Variants in CAPN14 observed in about 807,000 individuals in gnomAD.
CAPN14 encodes the protein calpain-14.
In CAPN14, 94 loss-of-function variants were observed where a neutral mutation model predicts 101.3. The observed-to-expected ratio is 0.93, with a 90% CI of 0.79 to 1.10. CAPN14 has a LOEUF of 1.10. Among genes scored for constraint, CAPN14 ranks in the 50% least tolerant of loss-of-function variants. The pLI is 0.00. For synonymous variants in CAPN14, 338 were observed against 317.9 expected (o/e 1.06, Z -0.67); for missense variants, 837 against 828.4 (o/e 1.01, Z -0.13).
At chr2:31,227,196 G>A (rs534165604) in intron 1 of CAPN14, among the ~76,000 whole-genome samples, 60 of 152,302 alleles carry the variant, frequency 3.9e-4, no homozygotes, top group African/African-American at 1.3e-3. Flanking sequence ...GCTGCCTCTC[G>A]TGGTGTGGGC....
intron 10 of CAPN14, 47 bp downstream of exon 10, chr2:31,193,084 C>G: frequency 6.6e-7 from 1 of 1,505,656 alleles, no homozygotes; most frequent in South Asian, 1.2e-5. Context: ...CTGACACCCC[C>G]GCCCACAACC....
At chr2:31,214,954 T>A (rs1325539628) in intron 1 of CAPN14, among the ~76,000 whole-genome samples, 1 of 140,588 alleles carries the variant, frequency 7.1e-6, no homozygotes, top group Non-Finnish European at 1.5e-5. Flanking sequence ...CTGCTTGGCC[T>A]GACTGTTGGG....
chr2:31,231,360 A>G (rs1683186194), intron 1 of CAPN14, among the ~76,000 whole-genome samples: 1 of 152,244 alleles, frequency 6.6e-6, no homozygotes, highest in Non-Finnish European at 1.5e-5. Context: ...TCCTTCCACA[A>G]TGGAACATGG....
At chr2:31,223,542 CTT>C (rs35488335) in intron 2 of CAPN14, among the ~76,000 whole-genome samples, 10 of 132,030 alleles carry the variant, frequency 7.6e-5, no homozygotes, top group Non-Finnish European at 1.1e-4. Context: ...TTTTTCTTTT[CTT>C]TTTTTTTTTT....
chr2:31,232,469 C>T (rs930647239), intron 1 of CAPN14, among the ~76,000 whole-genome samples: 1 of 152,162 alleles, frequency 6.6e-6, no homozygotes, highest in African/African-American at 2.4e-5. Flanking sequence ...TGAAGAAATA[C>T]CTAAGACTGG....
At chr2:31,200,396 G>A (rs1681692538) in intron 6 of CAPN14, 55 bp downstream of exon 6, 1 of 1,459,976 alleles carries the variant, frequency 6.8e-7, no homozygotes, top group Admixed American at 2.1e-5. Flanking sequence ...GGTGGTGGAT[G>A]GAGGGCATGG....
intron 21 of CAPN14, among the ~76,000 whole-genome samples, chr2:31,176,004 C>T (rs13389654): frequency 0.34 from 51,754 of 152,124 alleles, 10,426 homozygotes; most frequent in African/African-American, 0.56. Flanking sequence ...TCATTCAACA[C>T]ATCCTGCTGT....
At chr2:31,216,697 C>A (rs530319027) in intron 1 of CAPN14, among the ~76,000 whole-genome samples, 1 of 152,254 alleles carries the variant, frequency 6.6e-6, no homozygotes, top group South Asian at 2.1e-4. Context: ...TCACCCTGTG[C>A]CTCCATAGGA....
At chr2:31,225,755 T>G (rs925600214) in intron 2 of CAPN14, among the ~76,000 whole-genome samples, 2 of 152,046 alleles carry the variant, frequency 1.3e-5, no homozygotes, top group African/African-American at 4.8e-5. Context: ...ACACTGGTGG[T>G]ATGGTGTTGA....
At chr2:31,197,216 T>C in intron 8 of CAPN14, 33 bp downstream of exon 8, 4 of 1,465,114 alleles carry the variant, frequency 2.7e-6, no homozygotes, top group Non-Finnish European at 3.7e-6. Flanking sequence ...AACCTACCTG[T>C]TCTCACCCCT....
chr2:31,212,100 A>G (rs532691308), intron 1 of CAPN14, among the ~76,000 whole-genome samples: 2 of 152,272 alleles, frequency 1.3e-5, no homozygotes, highest in South Asian at 4.1e-4. Context: ...ACTTGAGGTC[A>G]AGAGTTCAAG....
chr2:31,178,165 G>A (rs1053337112), intron 18 of CAPN14, among the ~76,000 whole-genome samples: 3 of 152,228 alleles, frequency 2.0e-5, no homozygotes, highest in African/African-American at 7.2e-5. Context: ...TGTGAGTTGT[G>A]AGCAATGATT....
intron 1 of CAPN14, among the ~76,000 whole-genome samples, chr2:31,210,287 CA>C (rs571673533): frequency 0.044 from 6,343 of 145,512 alleles, 136 homozygotes; most frequent in African/African-American, 0.056. Flanking sequence ...ACTAAAAATG[CA>C]AAAAAAAAAA....
At chr2:31,193,870 G>C (rs1036980598) in intron 9 of CAPN14, among the ~76,000 whole-genome samples, 1 of 152,156 alleles carries the variant, frequency 6.6e-6, no homozygotes. Context: ...TCCTTGGAAC[G>C]AGGGTTGACA....
intron 13 of CAPN14, among the ~76,000 whole-genome samples, chr2:31,188,596 C>T (rs1681025897): frequency 6.6e-6 from 1 of 152,220 alleles, no homozygotes; most frequent in Non-Finnish European, 1.5e-5. Context: ...GAGCATGAGA[C>T]TTAGTGGTCT....
chr2:31,189,446 C>T lies in CAPN14; in HGVS notation c.1320G>A (p.Glu440=). The change falls in exon 13 of 22, where the codon GAG becomes GAA. Residue 440 remains glutamate, a synonymous_variant. Coordinates refer to ENST00000403897, the MANE Select transcript of CAPN14 (RefSeq NM_001145122.2). ...YHDDQRRLPP[E]FFQRNTPLSQ... Reference sequence around the variant, plus strand: ...TCAGAGGAGTGTTTCTCTGGAAGAACTCAGGGGGCAGTCTCCTCTGGTCAT... The same window carrying T: ...TCAGAGGAGTGTTTCTCTGGAAGAATTCAGGGGGCAGTCTCCTCTGGTCAT... 6.4e-7 allele frequency: 1 copy of T among 1,551,666 alleles called. No individual in the cohort carries two copies. The highest frequency in any genetic ancestry group is 1.4e-5 in the African/African-American group (1 of 73,156).
chr2:31,181,079 C>T, intron 16 of CAPN14, 79 bp from the exon 17 acceptor site: 1 of 1,164,252 alleles, frequency 8.6e-7, no homozygotes, highest in Admixed American at 2.0e-5. Flanking sequence ...AGAGGCAGTG[C>T]TGCATGGGCC....
rs552440865 is a variant in CAPN14 at position 31,201,903 on chromosome 2, C to G, written c.510G>C (p.Lys170Asn). 102 of 1,551,730 alleles carry G rather than the reference C, an allele frequency of 6.6e-5. No individual in the cohort carries two copies. In the South Asian group the frequency reaches 1.2e-3, roughly 18 times the overall value. ...GQLVFVSSTY[K>N]NLFWGALLEK... Reference sequence around the variant, plus strand: ...CCAGAAGTGCTCCCCAGAACAAGTTCTTATAGGTGGAGGAGACAAAGACCA... The same window carrying G: ...CCAGAAGTGCTCCCCAGAACAAGTTGTTATAGGTGGAGGAGACAAAGACCA... The change falls in exon 5 of 22, where the codon AAG (lysine) becomes AAC (asparagine). Residue 170 changes from lysine (K) to asparagine (N), a missense_variant. Lys to Asn is a moderately conservative substitution (Grantham distance 94). Coordinates refer to ENST00000403897, the MANE Select transcript of CAPN14 (RefSeq NM_001145122.2).
chr2:31,224,874 T>G, intron 2 of CAPN14, among the ~76,000 whole-genome samples: 1 of 152,220 alleles, frequency 6.6e-6, no homozygotes, highest in Non-Finnish European at 1.5e-5. Context: ...AAAAGATTTG[T>G]GAATAAATAG....
Sources: gnomAD v4.1 joint callset for allele counts (sites outside exome capture counted in the v4.1 genomes callset) on GRCh38, gnomAD v4.1.1 for gene constraint, MANE v1.5 for transcripts, NCBI Gene and HGNC (gene_info 2026-07-23, HGNC 2026-07-21) for gene names.